The following ARHGAP8 variants were observed in gnomAD, a reference collection of about 807,000 sequenced individuals.
ARHGAP8 encodes rho GTPase-activating protein 8.
A neutral mutation model predicts 46.1 loss-of-function variants in ARHGAP8; 62 were observed. The ratio of observed to expected loss-of-function variants is 1.34; its 90% CI spans 1.10 to 1.66. The LOEUF (loss-of-function observed/expected upper bound fraction) is 1.66. Ranked by LOEUF, ARHGAP8 falls within the 40% of genes most tolerant of loss-of-function variation. The pLI is 0.00. For missense variants in ARHGAP8, 923 were observed against 568.4 expected, an observed-to-expected ratio of 1.62 and a Z score of -6.34; for synonymous variants, 375 against 243.1, an observed-to-expected ratio of 1.54 and a Z score of -5.05.
rs1929069101 is a variant in ARHGAP8 at position 44,808,225 on chromosome 22, A to G, written c.168-82A>G. 3.9e-6 allele frequency: 6 copies of G among 1,549,036 alleles called. No homozygotes were observed. In the South Asian group the frequency reaches 7.5e-5, roughly 19 times the overall value. Reference sequence around the variant, plus strand: ...GTGCTGGCACCTACTGGGTGACCATAGCTTCCATTATAGGGAAAGCACGTT... The same window carrying G: ...GTGCTGGCACCTACTGGGTGACCATGGCTTCCATTATAGGGAAAGCACGTT... On this transcript the variant is annotated intron_variant, in intron 3 of 11. Transcript: ENST00000356099.
At chr22:44,847,397 A>G (rs2069984564) in intron 8 of ARHGAP8, among the ~76,000 whole-genome samples, 2 of 152,270 alleles carry the variant, frequency 1.3e-5, no homozygotes, top group South Asian at 4.1e-4. Flanking sequence ...CTGTCTAAAC[A>G]GCAGCCACCA....
chr22:44,794,086 C>A (rs1927904987), intron 2 of ARHGAP8, among the ~76,000 whole-genome samples: 1 of 152,170 alleles, frequency 6.6e-6, no homozygotes, highest in Admixed American at 6.6e-5. Context: ...CGCGTCAACC[C>A]ACCCTGACGC....
At chr22:44,783,719 G>A (rs895643387) in intron 1 of ARHGAP8, among the ~76,000 whole-genome samples, 5 of 152,212 alleles carry the variant, frequency 3.3e-5, no homozygotes, top group Admixed American at 2.6e-4. Context: ...TTAGCTTCCC[G>A]ACCTGTCCGA....
chr22:44,796,487 G>A (rs1240249053), intron 2 of ARHGAP8, among the ~76,000 whole-genome samples: 3 of 152,060 alleles, frequency 2.0e-5, no homozygotes, highest in Admixed American at 2.0e-4. Context: ...GGGGGTGGGG[G>A]GCTCTAAGAC....
intron 4 of ARHGAP8, among the ~76,000 whole-genome samples, chr22:44,812,905 A>G (rs1424025416): frequency 1.3e-5 from 2 of 152,068 alleles, no homozygotes; most frequent in Non-Finnish European, 2.9e-5. Flanking sequence ...TCATTGAGTT[A>G]CAATCCATTA....
chr22:44,761,823 G>C (rs1925154686), intron 1 of ARHGAP8, among the ~76,000 whole-genome samples: 1 of 152,206 alleles, frequency 6.6e-6, no homozygotes, highest in Non-Finnish European at 1.5e-5. Context: ...TCACAATCAT[G>C]GTGGAAGTGA....
intron 11 of ARHGAP8, among the ~76,000 whole-genome samples, chr22:44,860,074 T>TC (rs1302799191): frequency 1.3e-5 from 2 of 152,168 alleles, no homozygotes; most frequent in Non-Finnish European, 2.9e-5. Context: ...GTACCTGCTG[T>TC]CCCTCAGCCA....
chr22:44,860,198 A>G (rs1320949747), intron 11 of ARHGAP8, among the ~76,000 whole-genome samples: 1 of 144,876 alleles, frequency 6.9e-6, no homozygotes, highest in Non-Finnish European at 1.5e-5. Flanking sequence ...CAGTGGACTG[A>G]GCTGACCATT....
At chr22:44,779,452 G>A (rs1476572087) in intron 1 of ARHGAP8, among the ~76,000 whole-genome samples, 2 of 152,028 alleles carry the variant, frequency 1.3e-5, no homozygotes, top group Non-Finnish European at 1.5e-5. Context: ...GTCGGTACGC[G>A]TGGCTATAGT....
chr22:44,852,913 C>T (rs2070132350), intron 10 of ARHGAP8, among the ~76,000 whole-genome samples: 1 of 152,196 alleles, frequency 6.6e-6, no homozygotes, highest in African/African-American at 2.4e-5. Flanking sequence ...AGCCTTTCTC[C>T]TGCCCCAGCC....
intron 4 of ARHGAP8, among the ~76,000 whole-genome samples, chr22:44,810,707 T>A (rs1337655265): frequency 1.3e-5 from 2 of 152,186 alleles, no homozygotes; most frequent in Non-Finnish European, 2.9e-5. Flanking sequence ...ATCACTGGAT[T>A]TTGCTTCTGG....
intron 11 of ARHGAP8, among the ~76,000 whole-genome samples, chr22:44,860,821 G>A (rs1486607994): frequency 6.6e-6 from 1 of 152,184 alleles, no homozygotes. Context: ...GGCCTTGAAT[G>A]TTTAACCCCC....
At chr22:44,840,748 G>A (rs1254497876) in intron 7 of ARHGAP8, among the ~76,000 whole-genome samples, 1 of 152,172 alleles carries the variant, frequency 6.6e-6, no homozygotes, top group Non-Finnish European at 1.5e-5. Context: ...ATCCCTTTTC[G>A]TGATGAGGAT....
In ARHGAP8 at chr22:44,822,418, T is replaced by C; in HGVS notation, c.434T>C (p.Leu145Pro). The change falls in exon 6 of 12, where the codon CTC (leucine) becomes CCC (proline). Residue 145 changes from leucine to proline, a missense_variant. Physicochemically the swap from Leu to Pro is moderately conservative, Grantham distance 98. Transcript: ENST00000356099. ...KVIYFNYLSE[L>P]HEHLKYDQLV... ...ATCTATTTCAACTACCTGAGTGAGC[T>C]CCACGAACACCTTAAATACGACCAG... 5 of 1,581,056 alleles carry C rather than the reference T, an allele frequency of 3.2e-6. No homozygotes were observed. The highest frequency in any genetic ancestry group is 4.3e-6 in the Non-Finnish European group (5 of 1,169,534).
intron 4 of ARHGAP8, chr22:44,809,928 AGGGACTTCTT>A (rs1787298079): frequency 1.3e-5 from 2 of 152,190 alleles, no homozygotes; most frequent in Admixed American, 6.5e-5. Flanking sequence ...GGACCTTCGG[AGGGACTTCTT>A]GGTTCCCCAT....
At chr22:44,858,189 T>C (rs2070291546) in intron 10 of ARHGAP8, among the ~76,000 whole-genome samples, 1 of 152,190 alleles carries the variant, frequency 6.6e-6, no homozygotes, top group Admixed American at 6.5e-5. Flanking sequence ...TGGGTGTTTG[T>C]AGAGCACCCG....
intron 3 of ARHGAP8, among the ~76,000 whole-genome samples, chr22:44,806,508 C>T (rs1472776868): frequency 6.6e-6 from 1 of 152,186 alleles, no homozygotes; most frequent in African/African-American, 2.4e-5. Context: ...CTGCCCCTTA[C>T]TGATTCACCT....
intron 1 of ARHGAP8, among the ~76,000 whole-genome samples, chr22:44,759,685 A>G (rs1338195780): frequency 6.6e-6 from 1 of 152,338 alleles, no homozygotes; most frequent in South Asian, 2.1e-4. Flanking sequence ...TCTCAGAAGT[A>G]TCCTGGAGCC....
chr22:44,763,536 A>G (rs1925310621), intron 1 of ARHGAP8, among the ~76,000 whole-genome samples: 1 of 151,730 alleles, frequency 6.6e-6, no homozygotes, highest in South Asian at 2.1e-4. Flanking sequence ...AGAGGGTAAA[A>G]TCATGACTGT....
Sources: allele counts gnomAD v4.1 joint callset (sites outside exome capture counted in the v4.1 genomes callset), GRCh38; gene constraint gnomAD v4.1.1; transcripts MANE v1.5; gene names NCBI Gene and HGNC (gene_info 2026-07-23, HGNC 2026-07-21).